CNOT10: variants seen among roughly 807,000 people sequenced by gnomAD.
CNOT10 encodes the protein CCR4-NOT transcription complex, subunit 10.
CNOT10 carries 30 observed loss-of-function variants against 94.6 expected under a neutral mutation model. The observed-to-expected ratio is 0.32, with a 90% CI of 0.24 to 0.43. The LOEUF (loss-of-function observed/expected upper bound fraction) is 0.43, where lower values mean the gene tolerates loss of function less well. Among genes scored for constraint, CNOT10 ranks in the 20% least tolerant of loss-of-function variants. CNOT10 has a pLI of 1.00. For synonymous variants in CNOT10, 289 were observed against 301.6 expected (o/e 0.96, Z 0.43); for missense variants, 759 against 877.2 (o/e 0.87, Z 1.70).
At chr3:32,724,406 C>T (rs978558526) in intron 8 of CNOT10, among the ~76,000 whole-genome samples, 6 of 149,226 alleles carry the variant, frequency 4.0e-5, no homozygotes, top group Admixed American at 1.3e-4. Flanking sequence ...CCACTACGCC[C>T]GGCTAATTTT....
rs541002187 is a variant in CNOT10 at position 32,685,594 on chromosome 3, G to C, written c.22+112G>C. The C allele has an allele frequency of 1.2e-4, 146 of 1,215,470 alleles. No homozygotes were observed. The African/African-American group carries it at 1.9e-3, about 16-fold the overall frequency. 75.3% of individuals were successfully genotyped at this position (1,215,470 alleles called of 1,614,324 possible). A position where few individuals can be genotyped will look rare whatever the true frequency, so the allele number is the denominator to read the frequency against. On this transcript the variant is annotated intron_variant, in intron 1 of 18. Transcript: ENST00000328834. Reference sequence around the variant, plus strand: ...GGGGACTCCAGGGCGACTTGAATTTGGGCGTGCATTTCTTTACCCCATCCT... The same window carrying C: ...GGGGACTCCAGGGCGACTTGAATTTCGGCGTGCATTTCTTTACCCCATCCT...
chr3:32,700,516 A>T (rs1235158064), intron 1 of CNOT10, among the ~76,000 whole-genome samples: 1 of 152,182 alleles, frequency 6.6e-6, no homozygotes, highest in Non-Finnish European at 1.5e-5. Flanking sequence ...AAAATGATAG[A>T]ATCTGCACTA....
In CNOT10 at chr3:32,713,211, G is replaced by T. The variant is rs771688957; in HGVS notation, c.431-16G>T. On this transcript the variant is annotated splice_polypyrimidine_tract_variant and intron_variant, in intron 4 of 18. Transcript: ENST00000328834. ...TTAGGTTGTGACTATTCTTTTCTGTGTTTTTTTTCTCCCAGAAGAAAAATT... is the reference window on the plus strand; with the variant it reads ...TTAGGTTGTGACTATTCTTTTCTGTTTTTTTTTTCTCCCAGAAGAAAAATT... 3 of 1,555,534 alleles carry T rather than the reference G, an allele frequency of 1.9e-6. No homozygotes were observed. Among genetic ancestry groups the T allele is most frequent in the East Asian group, 4.7e-5 (2 of 42,762 alleles).
At chr3:32,708,854 C>T in intron 4 of CNOT10, 34 bp downstream of exon 4, 2 of 1,553,724 alleles carry the variant, frequency 1.3e-6, no homozygotes, top group East Asian at 2.3e-5. Flanking sequence ...ATTTCCCTAT[C>T]TTCCCTATAC....
intron 13 of CNOT10, among the ~76,000 whole-genome samples, chr3:32,754,068 C>T (rs1700086842): frequency 6.6e-6 from 1 of 151,924 alleles, no homozygotes; most frequent in South Asian, 2.1e-4. Context: ...CCATTGCACT[C>T]CAGCCTGGGC....
At chr3:32,755,106 TGTG>T (rs1232939895) in intron 13 of CNOT10, among the ~76,000 whole-genome samples, 1 of 150,476 alleles carries the variant, frequency 6.6e-6, no homozygotes, top group Non-Finnish European at 1.5e-5. Flanking sequence ...ATTAGGTGGG[TGTG>T]GTGGTGCACG....
rs1553637782 is a variant in CNOT10, at chr3:32,753,918, T to TCTCA, written c.1596-5539_1596-5538insTCAC. On this transcript the variant is annotated intron_variant, in intron 13 of 18. Transcript: ENST00000328834. ...AAGTACTAAATAAATTAATTTGCTC[T>TCTCA]CACACACACACACACACAAAATATA... is the stretch of plus-strand genomic sequence containing the variant. The TCTCA allele has an allele frequency of 1.5e-4, 156 of 1,019,396 alleles. No homozygotes were observed. In the Middle Eastern group the frequency reaches 3.0e-3, roughly 19 times the overall value. The allele number at this position is 1,019,396 out of a possible 1,614,324, so 63.1% of individuals were successfully genotyped here. A position where few individuals can be genotyped will look rare whatever the true frequency, so the allele number is the denominator to read the frequency against.
intron 17 of CNOT10, among the ~76,000 whole-genome samples, chr3:32,768,615 A>C (rs781285966): frequency 1.3e-4 from 19 of 152,000 alleles, no homozygotes; most frequent in Admixed American, 2.0e-4. Context: ...TGGTATAAAG[A>C]CGATCTTGCC....
At chr3:32,724,233 T>C in intron 8 of CNOT10, among the ~76,000 whole-genome samples, 1 of 146,554 alleles carries the variant, frequency 6.8e-6, no homozygotes. Context: ...AGACATACTC[T>C]GTTCTGTTCC....
At chr3:32,689,449 A>G (rs1461657393) in intron 1 of CNOT10, among the ~76,000 whole-genome samples, 3 of 152,190 alleles carry the variant, frequency 2.0e-5, no homozygotes, top group Non-Finnish European at 1.5e-5. Context: ...TAGAGTTGAC[A>G]TTTAGACAGA....
intron 12 of CNOT10, among the ~76,000 whole-genome samples, 195 bp from the exon 13 acceptor site, chr3:32,737,215 T>A (rs866162252): frequency 2.6e-4 from 39 of 152,234 alleles, no homozygotes; most frequent in African/African-American, 9.1e-4. Flanking sequence ...CTTGGGAGGC[T>A]GAGGCGGGAG....
chr3:32,750,839 C>T lies in CNOT10; in HGVS notation c.1596-8619C>T, dbSNP rs185922854. Among the ~76,000 whole-genome samples the T allele has an allele frequency of 6.0e-3, 914 of 152,194 alleles. 7 individuals are homozygous for T. The highest frequency in any genetic ancestry group is 0.017 in the South Asian group (83 of 4,818). On this transcript the variant is annotated intron_variant, in intron 13 of 18. Coordinates refer to ENST00000328834, the MANE Select transcript of CNOT10 (RefSeq NM_015442.3). ...TGCTGGGATTACAGGCGTGAGCCACCGGGCCCAGCTATATAACAATATTTC... is the reference window on the plus strand; with the variant it reads ...TGCTGGGATTACAGGCGTGAGCCACTGGGCCCAGCTATATAACAATATTTC...
chr3:32,691,361 C>G (rs1237480593), intron 1 of CNOT10, among the ~76,000 whole-genome samples: 6 of 152,022 alleles, frequency 3.9e-5, no homozygotes, highest in Admixed American at 3.9e-4. Flanking sequence ...CGGGGTTTCA[C>G]TGTGTTAGCC....
intron 13 of CNOT10, among the ~76,000 whole-genome samples, chr3:32,740,432 A>G (rs74839353): frequency 0.061 from 9,338 of 152,232 alleles, 333 homozygotes; most frequent in African/African-American, 0.09. Flanking sequence ...TATTGCCTAG[A>G]CAACAGACTC....
chr3:32,728,901 C>G (rs1410958137), intron 10 of CNOT10, among the ~76,000 whole-genome samples: 1 of 152,088 alleles, frequency 6.6e-6, no homozygotes, highest in East Asian at 1.9e-4. Flanking sequence ...GAGATCGAGA[C>G]CATCCTGGCT....
intron 15 of CNOT10, among the ~76,000 whole-genome samples, chr3:32,763,960 G>A (rs1205846942): frequency 3.3e-5 from 5 of 152,048 alleles, no homozygotes; most frequent in African/African-American, 9.7e-5. Context: ...GTGAAACCCT[G>A]TCTCTACTAA....
intron 13 of CNOT10, among the ~76,000 whole-genome samples, chr3:32,746,836 CAAAA>C (rs71630540): frequency 3.8e-4 from 32 of 84,162 alleles, no homozygotes; most frequent in South Asian, 2.5e-3. Context: ...GACTCCGTCT[CAAAA>C]AAAAAAAAAA....
chr3:32,770,431 T>C (rs1440432242), intron 18 of CNOT10, among the ~76,000 whole-genome samples: 1 of 141,730 alleles, frequency 7.1e-6, no homozygotes, highest in African/African-American at 2.6e-5. Flanking sequence ...GTTCATGCCA[T>C]TCTCCTGCCT....
chr3:32,753,167 T>C (rs1700038736), intron 13 of CNOT10: 1 of 635,648 alleles, frequency 1.6e-6, no homozygotes, highest in East Asian at 3.3e-5. Context: ...AAAAGGAACA[T>C]GTGAATACTA....
Sources: allele counts gnomAD v4.1 joint callset (sites outside exome capture counted in the v4.1 genomes callset), GRCh38; gene constraint gnomAD v4.1.1; transcripts MANE v1.5; gene names NCBI Gene and HGNC (gene_info 2026-07-23, HGNC 2026-07-21).